Variants in ZNF888 observed in about 807,000 individuals in gnomAD.
The protein encoded by ZNF888 is CTD-2331H12.6.
In ZNF888, 5 loss-of-function variants were observed where a neutral mutation model predicts 7.2. The observed-to-expected ratio is 0.70, with a 90% confidence interval of 0.36 to 1.46. The LOEUF (loss-of-function observed/expected upper bound fraction) is 1.46, where lower values mean the gene tolerates loss of function less well. ZNF888 is among the 40% of genes most tolerant of loss of function. The pLI, the probability that ZNF888 is intolerant of heterozygous loss-of-function variation, is 0.03. For synonymous variants in ZNF888, 240 were observed against 284.3 expected (o/e 0.84, Z 1.57); for missense variants, 716 against 858.0 (o/e 0.83, Z 2.07).
chr19:52,916,619 T>TATATAC (rs1555828406), intron 3 of ZNF888, among the ~76,000 whole-genome samples: 24 of 19,452 alleles, frequency 1.2e-3, no homozygotes, highest in African/African-American at 2.0e-3. Flanking sequence ...CATATACATA[T>TATATAC]ATATATATAT....
chr19:52,910,682 G>C (rs1211678369), intron 4 of ZNF888, among the ~76,000 whole-genome samples: 1 of 151,982 alleles, frequency 6.6e-6, no homozygotes, highest in Non-Finnish European at 1.5e-5. Flanking sequence ...AAGATGGCTG[G>C]GCTAAACCAT....
In ZNF888 at chr19:52,923,423, A is replaced by G. The variant is rs1600695877; in HGVS notation, c.-232T>C. 2.0e-6 allele frequency: 2 copies of G among 985,076 alleles called. No individual in the cohort carries two copies. The highest frequency in any genetic ancestry group is 2.3e-4 in the East Asian group (2 of 8,802). The allele number at this position is 985,076 out of a possible 1,614,324, so 61.0% of individuals were successfully genotyped here. On this transcript the variant is annotated 5_prime_UTR_variant, in exon 1 of 5. Coordinates refer to ENST00000638862, the MANE Select transcript of ZNF888 (RefSeq NM_001393938.1). ...TCCGCTTCCTGGTCCGGGCGAATCT[A>G]CAAGCACAGGACAGAAGCCAGGCCT...
In ZNF888 at chr19:52,905,753, C is replaced by T; in HGVS notation, c.*412G>A. 1 of 533,570 alleles carries T rather than the reference C, an allele frequency of 1.9e-6. No homozygotes were observed. The highest frequency in any genetic ancestry group is 3.8e-6 in the Non-Finnish European group (1 of 265,200). 33.1% of individuals were successfully genotyped at this position (533,570 alleles called of 1,614,324 possible). On this transcript the variant is annotated 3_prime_UTR_variant, in exon 5 of 5. Coordinates refer to ENST00000638862, the MANE Select transcript of ZNF888 (RefSeq NM_001393938.1). ...TTTGCTATACTCATTGCATTCGGAA[C>T]TATTATCTCAAAAATAAATTTTCTG...
chr19:52,908,581 T>G (rs547836986), intron 4 of ZNF888, among the ~76,000 whole-genome samples: 1 of 152,108 alleles, frequency 6.6e-6, no homozygotes, highest in Non-Finnish European at 1.5e-5. Flanking sequence ...GACCGGACAA[T>G]GTACTATATT....
chr19:52,920,045 C>T (rs1238741201), intron 1 of ZNF888, among the ~76,000 whole-genome samples: 1 of 51,754 alleles, frequency 1.9e-5, no homozygotes, highest in African/African-American at 7.2e-5. Flanking sequence ...CCCGGCCAGC[C>T]GCCCCGTCCG....
At chr19:52,908,589 A>G (rs1009362980) in intron 4 of ZNF888, among the ~76,000 whole-genome samples, 2 of 152,228 alleles carry the variant, frequency 1.3e-5, no homozygotes, top group Non-Finnish European at 2.9e-5. Flanking sequence ...AATGTACTAT[A>G]TTGGTAAATA....
rs762218003 is a variant in ZNF888 at position 52,906,556 on chromosome 19, G to A, written c.1766C>T (p.Thr589Ile). The change falls in exon 5 of 5, where the codon ACA (threonine) becomes ATA (isoleucine). Residue 589 changes from threonine (T) to isoleucine (I), a missense_variant. Transcript: ENST00000638862. ...ATGATGACATGCAAGTTGTGACTGT[G>A]TCCTAAAAACCTTGCCACATTCATT... is the stretch of plus-strand genomic sequence containing the variant. ...KCNECGKVFRTQSQLACHHRL... is the reference protein window; with the variant it reads ...KCNECGKVFRIQSQLACHHRL... 229 of 1,612,212 alleles carry A rather than the reference G, an allele frequency of 1.4e-4. No homozygotes were observed. The highest frequency in any genetic ancestry group is 3.3e-4 in the Middle Eastern group (2 of 6,068).
At chr19:52,910,781 T>C (rs939982663) in intron 4 of ZNF888, among the ~76,000 whole-genome samples, 1 of 152,174 alleles carries the variant, frequency 6.6e-6, no homozygotes, top group Non-Finnish European at 1.5e-5. Context: ...AATTTCTGTC[T>C]CTTAAGCCTC....
Position 52,905,663 on chromosome 19 carries a change from A to G in ZNF888, c.*502T>C, listed in dbSNP as rs2064599065. The stretch of plus-strand genomic sequence containing the variant: ...TAATGTCAATTAATGCTTGAACTCA[A>G]CGTTAAGTCAACTCAAACTCAAGTC... On this transcript the variant is annotated 3_prime_UTR_variant, in exon 5 of 5. Transcript: ENST00000638862. The G allele has an allele frequency of 2.5e-6, 1 of 406,376 alleles. No homozygotes were observed. Among genetic ancestry groups the G allele is most frequent in the Non-Finnish European group, 5.0e-6 (1 of 201,224 alleles). 25.2% of individuals were successfully genotyped at this position (406,376 alleles called of 1,614,324 possible).
At chr19:52,916,660 AAGT>A (rs2064755297) in intron 3 of ZNF888, among the ~76,000 whole-genome samples, 1 of 148,480 alleles carries the variant, frequency 6.7e-6, no homozygotes, top group East Asian at 1.9e-4. Flanking sequence ...AATATATAAA[AAGT>A]AGCAAGTTTT....
At position 52,906,894 on chromosome 19, in the gene ZNF888, A is replaced by C. The variant is rs556583293; in HGVS notation, c.1428T>G (p.Ser476Arg). 1 of 1,611,426 alleles carries C rather than the reference A, an allele frequency of 6.2e-7. No individual in the cohort carries two copies. The highest frequency in any genetic ancestry group is 1.1e-5 in the South Asian group (1 of 90,998). ...YKCKECDKVF[S>R]RKSHLERHRR... is the part of the protein sequence containing the mutation. ...TATGTCTTTCAAGGTGTGATTTGCG[A>C]CTGAAAACTTTGTCACATTCTTTAC... The change falls in exon 5 of 5, where the codon AGT becomes AGG. Residue 476 changes from serine to arginine, a missense_variant. Transcript: ENST00000638862.
chr19:52,919,848 G>T lies in ZNF888; in HGVS notation c.-177-911C>A, dbSNP rs1158232118. ...AGGTGAGGAGCGTCTCTGCCCGGCC[G>T]CCCCGTCTGAGAAGTGAGGAAACCC... On this transcript the variant is annotated intron_variant, in intron 1 of 4. Transcript: ENST00000638862. Among the ~76,000 whole-genome samples, 3 of 57,352 alleles carry T rather than the reference G, an allele frequency of 5.2e-5. No individual in the cohort carries two copies. The South Asian group carries it at 1.7e-3, about 32-fold the overall frequency. The allele number at this position is 57,352 out of a possible 152,430, so 37.6% of individuals were successfully genotyped here.
rs944068629 is a variant in ZNF888, at chr19:52,904,577, CAG to C, written c.*1586_*1587del. ...ATTTGAGCAAGCAGTGGGTATGTGA[CAG>C]GGGCTGCATGCACCGGTGTTCAGAG... On this transcript the variant is annotated 3_prime_UTR_variant, in exon 5 of 5. Coordinates refer to ENST00000638862, the MANE Select transcript of ZNF888 (RefSeq NM_001393938.1). 4.6e-5 allele frequency: 7 copies of C among 152,338 alleles called. No individual in the cohort carries two copies. Among genetic ancestry groups the C allele is most frequent in the East Asian group, 1.9e-4 (1 of 5,188 alleles). The allele number at this position is 152,338 out of a possible 1,614,324, so 9.4% of individuals were successfully genotyped here. A position where few individuals can be genotyped will look rare whatever the true frequency, so the allele number is the denominator to read the frequency against.
At chr19:52,921,416 C>G (rs2064821759) in intron 1 of ZNF888, among the ~76,000 whole-genome samples, 1 of 152,162 alleles carries the variant, frequency 6.6e-6, no homozygotes, top group Non-Finnish European at 1.5e-5. Context: ...AACATTTTCA[C>G]CGAGTTACCC....
Position 52,906,093 on chromosome 19 carries a change from CTATT to C in ZNF888, c.*68_*71del. On this transcript the variant is annotated 3_prime_UTR_variant, in exon 5 of 5. Coordinates refer to ENST00000638862, the MANE Select transcript of ZNF888 (RefSeq NM_001393938.1). ...CACATTTACTACACTTGTAAGATCT[CTATT>C]CATTATGGATTCTTCAATGATTTGC... 6.2e-7 allele frequency: 1 copy of C among 1,607,420 alleles called. No individual in the cohort carries two copies. Among genetic ancestry groups the C allele is most frequent in the Non-Finnish European group, 8.5e-7 (1 of 1,174,530 alleles).
At chr19:52,922,690 T>A (rs1044436739) in intron 1 of ZNF888, among the ~76,000 whole-genome samples, 1 of 152,178 alleles carries the variant, frequency 6.6e-6, no homozygotes, top group African/African-American at 2.4e-5. Context: ...TCTGATTCCC[T>A]CTCTCTGTCT....
intron 3 of ZNF888, among the ~76,000 whole-genome samples, chr19:52,916,506 ATG>A (rs1283357764): frequency 1.3e-5 from 2 of 150,748 alleles, no homozygotes; most frequent in African/African-American, 4.9e-5. Context: ...GTGTATGTAC[ATG>A]TGTGTGTGTA....
intron 1 of ZNF888, among the ~76,000 whole-genome samples, chr19:52,922,268 T>TCTGCGC (rs1555740601): frequency 0.072 from 10,970 of 151,770 alleles, 525 homozygotes; most frequent in Non-Finnish European, 0.1. Context: ...TTCTCCCATC[T>TCTGCGC]CTCCTGAGCT....
Position 52,906,029 on chromosome 19 carries a change from CA to C in ZNF888, c.*135del. 1 of 1,280,094 alleles carries C rather than the reference CA, an allele frequency of 7.8e-7. No individual in the cohort carries two copies. The highest frequency in any genetic ancestry group is 1.7e-5 in the Admixed American group (1 of 58,196). The allele number at this position is 1,280,094 out of a possible 1,614,324, so 79.3% of individuals were successfully genotyped here. ...GGTTTCTCTCCAGTATGAGTTCACC[CA>C]TGAACTACAGCGTATGAACGATGTC... On this transcript the variant is annotated 3_prime_UTR_variant, in exon 5 of 5. Transcript: ENST00000638862.
Sources: allele counts gnomAD v4.1 joint callset (sites outside exome capture counted in the v4.1 genomes callset), GRCh38; gene constraint gnomAD v4.1.1; transcripts MANE v1.5; gene names NCBI Gene and HGNC (gene_info 2026-07-23, HGNC 2026-07-21).